The following SEMA5A variants were observed in gnomAD, a reference collection of about 807,000 sequenced individuals.
SEMA5A encodes the protein semaphorin-5A.
In SEMA5A, 55 loss-of-function variants were observed where a neutral mutation model predicts 135.5. The ratio of observed to expected loss-of-function variants is 0.41; its 90% confidence interval spans 0.33 to 0.51. The LOEUF (loss-of-function observed/expected upper bound fraction) is 0.51. SEMA5A is among the 20% of genes least tolerant of loss of function. The pLI is 0.37. For synonymous variants in SEMA5A, 580 were observed against 546.5 expected, an observed-to-expected ratio of 1.06 and a Z score of -0.85; for missense variants, 1,290 against 1,419.9, an observed-to-expected ratio of 0.91 and a Z score of 1.47.
At chr5:9,484,640 A>C (rs1159271734) in intron 1 of SEMA5A, among the ~76,000 whole-genome samples, 1 of 152,210 alleles carries the variant, frequency 6.6e-6, no homozygotes, top group Non-Finnish European at 1.5e-5. Flanking sequence ...AAATGCCATC[A>C]CAGTTAAATG....
chr5:9,143,374 T>A lies in SEMA5A; in HGVS notation c.1482-6753A>T, dbSNP rs142734373. 2.4e-4 allele frequency among the ~76,000 whole-genome samples: 7 copies of A among 28,962 alleles called. No homozygotes were observed. In the East Asian group the frequency reaches 2.6e-3, roughly 11 times the overall value. 19.0% of individuals were successfully genotyped at this position (28,962 alleles called of 152,430 possible). On this transcript the variant is annotated intron_variant, in intron 12 of 22. Coordinates refer to ENST00000382496, the MANE Select transcript of SEMA5A (RefSeq NM_003966.3). ...TCAATTAGTGATTAACTTTTAATACTTTTCATGTATTAAAACTACTCGGCT... is the reference window on the plus strand; with the variant it reads ...TCAATTAGTGATTAACTTTTAATACATTTCATGTATTAAAACTACTCGGCT...
intron 5 of SEMA5A, among the ~76,000 whole-genome samples, chr5:9,302,447 A>G (rs894255313): frequency 1.1e-4 from 17 of 152,334 alleles, no homozygotes; most frequent in African/African-American, 4.1e-4. Flanking sequence ...GAGCCATCAC[A>G]TAAGCCAAAC....
At chr5:9,308,065 A>T (rs1751954744) in intron 5 of SEMA5A, among the ~76,000 whole-genome samples, 1 of 152,240 alleles carries the variant, frequency 6.6e-6, no homozygotes, top group Admixed American at 6.5e-5. Flanking sequence ...AAAACACTTC[A>T]TTTCAGTGGC....
intron 1 of SEMA5A, among the ~76,000 whole-genome samples, chr5:9,514,013 G>T (rs887367342): frequency 2.6e-5 from 4 of 152,096 alleles, no homozygotes; most frequent in African/African-American, 9.7e-5. Flanking sequence ...ACAAAATCAA[G>T]ACCTCAGCGA....
intron 1 of SEMA5A, among the ~76,000 whole-genome samples, chr5:9,444,742 C>T (rs1391030291): frequency 6.6e-6 from 1 of 152,158 alleles, no homozygotes; most frequent in Non-Finnish European, 1.5e-5. Context: ...CGGTATTTGA[C>T]ATTGTGATGT....
intron 3 of SEMA5A, among the ~76,000 whole-genome samples, chr5:9,355,190 AACG>A (rs1235749311): frequency 2.0e-5 from 3 of 152,338 alleles, no homozygotes; most frequent in Non-Finnish European, 4.4e-5. Flanking sequence ...CAATATTCAC[AACG>A]ACAAGTGGGA....
intron 16 of SEMA5A, among the ~76,000 whole-genome samples, chr5:9,070,332 C>A (rs964822460): frequency 5.3e-5 from 8 of 152,146 alleles, no homozygotes; most frequent in Non-Finnish European, 8.8e-5. Flanking sequence ...CATTGTGCCA[C>A]TGCACTCCAG....
intron 7 of SEMA5A, among the ~76,000 whole-genome samples, chr5:9,226,497 C>A (rs907964235): frequency 2.0e-5 from 3 of 151,916 alleles, no homozygotes; most frequent in Non-Finnish European, 2.9e-5. Flanking sequence ...GATTTTAGAC[C>A]ATTTTAATAA....
At chr5:9,125,629 C>T (rs976307879) in intron 13 of SEMA5A, among the ~76,000 whole-genome samples, 11 of 151,808 alleles carry the variant, frequency 7.2e-5, no homozygotes, top group Admixed American at 6.6e-4. Flanking sequence ...CTAAGTGATA[C>T]ACTGGATCCT....
intron 2 of SEMA5A, among the ~76,000 whole-genome samples, chr5:9,408,209 A>G (rs138220273): frequency 2.0e-5 from 3 of 152,134 alleles, no homozygotes; most frequent in Admixed American, 6.6e-5. Flanking sequence ...CATCACCACC[A>G]CCACCACTAC....
chr5:9,535,841 G>A (rs556015721), intron 1 of SEMA5A, among the ~76,000 whole-genome samples: 3 of 152,270 alleles, frequency 2.0e-5, no homozygotes, highest in African/African-American at 7.2e-5. Flanking sequence ...GTTACCCCAC[G>A]GGCAGATGCT....
chr5:9,257,990 C>T (rs910288116), intron 5 of SEMA5A, among the ~76,000 whole-genome samples: 1 of 152,090 alleles, frequency 6.6e-6, no homozygotes, highest in East Asian at 1.9e-4. Context: ...ACCACTACAC[C>T]CTACAACTAG....
At chr5:9,368,110 T>C (rs1754991435) in intron 3 of SEMA5A, among the ~76,000 whole-genome samples, 2 of 152,208 alleles carry the variant, frequency 1.3e-5, no homozygotes, top group South Asian at 4.1e-4. Flanking sequence ...TCACAGTCTA[T>C]GGTGGGTTTT....
At chr5:9,493,767 C>A (rs1251651060) in intron 1 of SEMA5A, among the ~76,000 whole-genome samples, 1 of 152,180 alleles carries the variant, frequency 6.6e-6, no homozygotes, top group Non-Finnish European at 1.5e-5. Context: ...CTTTGATGCA[C>A]TATCAGGAAG....
intron 2 of SEMA5A, among the ~76,000 whole-genome samples, chr5:9,388,894 GTC>G: frequency 8.1e-6 from 1 of 122,862 alleles, no homozygotes. Context: ...GCGAGACTCC[GTC>G]TCAAAAAAAA....
chr5:9,499,246 A>T (rs764556529), intron 1 of SEMA5A, among the ~76,000 whole-genome samples: 1 of 152,194 alleles, frequency 6.6e-6, no homozygotes, highest in Non-Finnish European at 1.5e-5. Flanking sequence ...TTGAAAAACA[A>T]TTTTTTAAGG....
chr5:9,397,528 T>C (rs189799034), intron 2 of SEMA5A, among the ~76,000 whole-genome samples: 1 of 152,320 alleles, frequency 6.6e-6, no homozygotes, highest in African/African-American at 2.4e-5. Flanking sequence ...ATGCAGGTCT[T>C]TAAGGTTATA....
At chr5:9,420,325 T>C (rs1054190417) in intron 2 of SEMA5A, among the ~76,000 whole-genome samples, 19 of 152,184 alleles carry the variant, frequency 1.2e-4, no homozygotes, top group African/African-American at 4.3e-4. Flanking sequence ...ACCTTAATTA[T>C]AGTATTTGTC....
At chr5:9,104,639 A>G (rs1205737643) in intron 16 of SEMA5A, among the ~76,000 whole-genome samples, 1 of 152,216 alleles carries the variant, frequency 6.6e-6, no homozygotes, top group African/African-American at 2.4e-5. Context: ...TTCATGCTTC[A>G]TATTTCATTT....
Sources: allele counts gnomAD v4.1 joint callset (sites outside exome capture counted in the v4.1 genomes callset), GRCh38; gene constraint gnomAD v4.1.1; transcripts MANE v1.5; gene names NCBI Gene and HGNC (gene_info 2026-07-23, HGNC 2026-07-21).